The following GRID1 variants were observed in gnomAD, a reference collection of about 807,000 sequenced individuals.
GRID1 encodes the protein glutamate ionotropic receptor delta type subunit 1, also known as glutamate receptor ionotropic, delta-1.
Under a neutral mutation model 98.0 loss-of-function variants are expected in GRID1, and 28 were observed. The observed-to-expected ratio is 0.29, with a 90% confidence interval of 0.21 to 0.39. GRID1 has a LOEUF of 0.39. Ranked by LOEUF, GRID1 falls within the 10% of genes least tolerant of loss-of-function variation. The pLI, the probability that GRID1 is intolerant of heterozygous loss-of-function variation, is 1.00. For missense variants in GRID1, 1,111 were observed against 1,340.5 expected (o/e 0.83, Z 2.67); for synonymous variants, 553 against 538.5 (o/e 1.03, Z -0.37).
intron 2 of GRID1, among the ~76,000 whole-genome samples, chr10:86,208,305 T>A (rs1846063476): frequency 6.6e-6 from 1 of 152,080 alleles, no homozygotes; most frequent in Non-Finnish European, 1.5e-5. Flanking sequence ...GATGATGAGA[T>A]CTTGTGAATC....
chr10:85,782,907 C>T (rs555344280), intron 8 of GRID1, among the ~76,000 whole-genome samples: 1 of 152,138 alleles, frequency 6.6e-6, no homozygotes, highest in African/African-American at 2.4e-5. Flanking sequence ...AAAAGACACA[C>T]ATTGACATGG....
intron 6 of GRID1, among the ~76,000 whole-genome samples, chr10:85,865,751 G>A (rs1274824653): frequency 6.6e-6 from 1 of 151,592 alleles, no homozygotes; most frequent in East Asian, 1.9e-4. Context: ...AAACTGGAAG[G>A]GAATGGCTTG....
chr10:86,295,664 G>A (rs1358288483), intron 2 of GRID1, among the ~76,000 whole-genome samples: 1 of 152,190 alleles, frequency 6.6e-6, no homozygotes, highest in East Asian at 1.9e-4. Flanking sequence ...TCACGTGGGT[G>A]TTCTTTTTTT....
chr10:86,298,076 A>G (rs1004715461), intron 2 of GRID1, among the ~76,000 whole-genome samples: 4 of 152,244 alleles, frequency 2.6e-5, no homozygotes, highest in Admixed American at 1.3e-4. Context: ...AATTCGTTAG[A>G]AAGAAATGAC....
intron 3 of GRID1, among the ~76,000 whole-genome samples, chr10:86,140,043 T>C (rs1040896523): frequency 6.6e-5 from 10 of 152,214 alleles, no homozygotes; most frequent in Admixed American, 5.9e-4. Context: ...TGGGTGCATG[T>C]GAGGCTGAAG....
chr10:85,729,485 C>T (rs3812647), intron 9 of GRID1, 28 bp downstream of exon 9: 22 of 1,336,836 alleles, frequency 1.6e-5, no homozygotes, highest in Non-Finnish European at 1.9e-5. Context: ...TGGTGTAGCT[C>T]GCTCCCAGAA....
chr10:85,753,314 G>T (rs1285887320), intron 8 of GRID1, among the ~76,000 whole-genome samples: 1 of 152,174 alleles, frequency 6.6e-6, no homozygotes, highest in Non-Finnish European at 1.5e-5. Flanking sequence ...GCCATGTGTG[G>T]CACATGGGCA....
At chr10:86,154,830 C>T (rs565542974) in intron 3 of GRID1, among the ~76,000 whole-genome samples, 12 of 152,294 alleles carry the variant, frequency 7.9e-5, no homozygotes, top group South Asian at 6.2e-4. Flanking sequence ...CTCGCTGCCA[C>T]CTCTCCGGGA....
intron 15 of GRID1, among the ~76,000 whole-genome samples, chr10:85,610,875 A>T (rs113629794): frequency 6.6e-6 from 1 of 152,162 alleles, no homozygotes; most frequent in African/African-American, 2.4e-5. Context: ...TCTTAGCAAC[A>T]CCAGAAGGGG....
chr10:86,205,995 A>G (rs1465789671), intron 3 of GRID1, among the ~76,000 whole-genome samples: 1 of 151,966 alleles, frequency 6.6e-6, no homozygotes, highest in Non-Finnish European at 1.5e-5. Flanking sequence ...GCAATCGTCC[A>G]GTGTGAAGGG....
chr10:86,037,694 T>G (rs1843286203), intron 4 of GRID1, among the ~76,000 whole-genome samples: 1 of 152,060 alleles, frequency 6.6e-6, no homozygotes, highest in South Asian at 2.1e-4. Flanking sequence ...AATAACCAAG[T>G]TCAAAGAAAT....
chr10:86,052,080 T>C (rs1843509775), intron 4 of GRID1, among the ~76,000 whole-genome samples: 1 of 152,170 alleles, frequency 6.6e-6, no homozygotes, highest in African/African-American at 2.4e-5. Context: ...TTATGGCACA[T>C]CTACACAATA....
intron 3 of GRID1, among the ~76,000 whole-genome samples, chr10:86,163,523 G>T (rs1293330795): frequency 6.6e-6 from 1 of 151,548 alleles, no homozygotes; most frequent in Non-Finnish European, 1.5e-5. Flanking sequence ...TTAATTTGAC[G>T]CATTTCTTAA....
At chr10:85,874,573 T>C (rs1843309204) in intron 5 of GRID1, among the ~76,000 whole-genome samples, 1 of 152,206 alleles carries the variant, frequency 6.6e-6, no homozygotes, top group South Asian at 2.1e-4. Context: ...TGTGGGAATA[T>C]ATTTTTTTAT....
At position 85,776,665 on chromosome 10, in the gene GRID1, T is replaced by C. The variant is rs1039429557; in HGVS notation, c.1234-47051A>G. On this transcript the variant is annotated intron_variant, in intron 8 of 15. Coordinates refer to ENST00000327946, the MANE Select transcript of GRID1 (RefSeq NM_017551.3). ...CAGCGACCGCAGCCCTAACTCAGAT[T>C]GTCAAGCCTCTATGTCAACAAGCAA... is the stretch of plus-strand genomic sequence containing the variant. Among the ~76,000 whole-genome samples, 6 of 152,178 alleles carry C rather than the reference T, an allele frequency of 3.9e-5. No individual in the cohort carries two copies. The East Asian group carries it at 1.2e-3, about 29-fold the overall frequency.
intron 4 of GRID1, among the ~76,000 whole-genome samples, chr10:85,942,069 T>A (rs1842003112): frequency 6.6e-6 from 1 of 152,214 alleles, no homozygotes; most frequent in African/African-American, 2.4e-5. Flanking sequence ...TCCCAACTAA[T>A]GGACTCTTAG....
At position 86,296,290 on chromosome 10, in the gene GRID1, T is replaced by G. The variant is rs1401395960; in HGVS notation, c.235+67651A>C. Among the ~76,000 whole-genome samples, 7 of 152,346 alleles carry G rather than the reference T, an allele frequency of 4.6e-5. No homozygotes were observed. In the East Asian group the frequency reaches 1.3e-3, roughly 29 times the overall value. On this transcript the variant is annotated intron_variant, in intron 2 of 15. Transcript: ENST00000327946. ...AACAGATCATCACTGTGGTTATAGC[T>G]GTGCCCAATGTCTGTCTGTTTGAGG...
chr10:85,823,831 G>A (rs1411050580), intron 8 of GRID1, among the ~76,000 whole-genome samples: 1 of 152,040 alleles, frequency 6.6e-6, no homozygotes, highest in African/African-American at 2.4e-5. Flanking sequence ...AGTTATAAAA[G>A]AAAAATAACT....
At chr10:85,902,010 T>A (rs180879350) in intron 5 of GRID1, among the ~76,000 whole-genome samples, 2 of 152,230 alleles carry the variant, frequency 1.3e-5, no homozygotes. Context: ...TCATGGGACA[T>A]ACATAAGCTT....
Sources: allele counts gnomAD v4.1 joint callset (sites outside exome capture counted in the v4.1 genomes callset), GRCh38; gene constraint gnomAD v4.1.1; transcripts MANE v1.5; gene names NCBI Gene and HGNC (gene_info 2026-07-23, HGNC 2026-07-21).